WWOX: variants seen among roughly 807,000 people sequenced by gnomAD.
The protein encoded by WWOX is WW domain-containing oxidoreductase.
Under a neutral mutation model 46.2 loss-of-function variants are expected in WWOX, and 69 were observed. The observed-to-expected ratio is 1.49, with a 90% CI of 1.23 to 1.82. The LOEUF (loss-of-function observed/expected upper bound fraction) is 1.82. Ranked by LOEUF, WWOX falls within the 40% of genes most tolerant of loss-of-function variation. The probability of loss-of-function intolerance (pLI) is 0.00; values close to 1 mark genes in which losing one functional copy is unlikely to be tolerated. For synonymous variants in WWOX, 359 were observed against 202.6 expected (o/e 1.77, Z -6.56); for missense variants, 919 against 542.6 (o/e 1.69, Z -6.89).
chr16:78,572,505 A>G (rs2044741236), intron 8 of WWOX, among the ~76,000 whole-genome samples: 1 of 143,090 alleles, frequency 7.0e-6, no homozygotes, highest in Non-Finnish European at 1.5e-5. Flanking sequence ...TGGGAGACTG[A>G]GGAGGGAGGA....
At chr16:78,124,079 A>G (rs2033250543) in intron 4 of WWOX, 2 of 152,172 alleles carry the variant, frequency 1.3e-5, no homozygotes, top group Admixed American at 1.3e-4. Flanking sequence ...TGGCCCAGAA[A>G]GGAATACACT....
intron 8 of WWOX, among the ~76,000 whole-genome samples, chr16:78,533,368 A>G (rs1359375318): frequency 6.6e-6 from 1 of 152,078 alleles, no homozygotes; most frequent in Non-Finnish European, 1.5e-5. Context: ...TGGAAGAAAA[A>G]GAATTGTCTT....
At position 78,833,158 on chromosome 16, in the gene WWOX, C is replaced by G. The variant is rs555430521; in HGVS notation, c.1057-378450C>G. 2.0e-5 allele frequency among the ~76,000 whole-genome samples: 3 copies of G among 152,124 alleles called. No homozygotes were observed. In the South Asian group the frequency reaches 6.2e-4, roughly 32 times the overall value. ...CTAGGCTCAAGCGATCCTCCAGCCT[C>G]TGCCTGCCAAGTATCTGGGACTACA... On this transcript the variant is annotated intron_variant, in intron 8 of 8. Transcript: ENST00000566780.
At chr16:78,399,724 T>C (rs2082368402) in intron 6 of WWOX, among the ~76,000 whole-genome samples, 1 of 152,240 alleles carries the variant, frequency 6.6e-6, no homozygotes, top group Non-Finnish European at 1.5e-5. Flanking sequence ...ACTTGGCCCA[T>C]GAATCCAGCT....
At chr16:79,186,023 G>T (rs1423603962) in intron 8 of WWOX, among the ~76,000 whole-genome samples, 129 of 152,112 alleles carry the variant, frequency 8.5e-4, no homozygotes, top group Non-Finnish European at 3.7e-4. Context: ...GGTACATTCA[G>T]AGAATTTTCT....
At chr16:78,613,142 A>G (rs549090690) in intron 8 of WWOX, among the ~76,000 whole-genome samples, 3 of 152,162 alleles carry the variant, frequency 2.0e-5, no homozygotes, top group East Asian at 1.9e-4. Flanking sequence ...TCTGCTCACA[A>G]TGACAAGTGA....
chr16:78,527,990 C>CCTTTTTTTT (rs2043518866), intron 8 of WWOX, among the ~76,000 whole-genome samples: 1 of 57,950 alleles, frequency 1.7e-5, no homozygotes, highest in Non-Finnish European at 3.1e-5. Context: ...TGGTACATGT[C>CCTTTTTTTT]CTTTTTTTTT....
At chr16:78,772,228 G>T (rs548584602) in intron 8 of WWOX, among the ~76,000 whole-genome samples, 1 of 152,246 alleles carries the variant, frequency 6.6e-6, no homozygotes, top group East Asian at 1.9e-4. Flanking sequence ...AGTGTCTGTT[G>T]TTCTTTCTTT....
intron 4 of WWOX, among the ~76,000 whole-genome samples, chr16:78,115,657 A>G (rs1597219149): frequency 6.6e-6 from 1 of 152,104 alleles, no homozygotes; most frequent in East Asian, 1.9e-4. Flanking sequence ...TCACCTCTTA[A>G]TTGCCAATGT....
In WWOX at chr16:78,339,387, C is replaced by G. The variant is rs200232807; in HGVS notation, c.517-47473C>G. On this transcript the variant is annotated intron_variant, in intron 5 of 8. Transcript: ENST00000566780. The stretch of plus-strand genomic sequence containing the variant: ...ATTAGAAAAAAAAAAAAAAACAACT[C>G]CCCTGGAGCCTTTGTACCTTCTGCA... 6.1e-5 allele frequency among the ~76,000 whole-genome samples: 7 copies of G among 114,894 alleles called. 3 individuals carry two copies. Among genetic ancestry groups the G allele is most frequent in the African/African-American group, 2.1e-4 (7 of 33,920 alleles). The allele number at this position is 114,894 out of a possible 152,430, so 75.4% of individuals were successfully genotyped here. A position where few individuals can be genotyped will look rare whatever the true frequency, so the allele number is the denominator to read the frequency against.
intron 8 of WWOX, among the ~76,000 whole-genome samples, chr16:78,968,105 GCGTGGTCCGCGTGGCA>G (rs2046397728): frequency 7.6e-6 from 1 of 131,600 alleles, no homozygotes; most frequent in African/African-American, 2.9e-5. Flanking sequence ...ATGGCACAGC[GCGTGGTCCGCGTGGCA>G]CAGCGCGTGG....
intron 7 of WWOX, among the ~76,000 whole-genome samples, chr16:78,428,063 G>T (rs1430287499): frequency 1.3e-5 from 2 of 152,086 alleles, no homozygotes; most frequent in African/African-American, 4.8e-5. Flanking sequence ...GCAAGACCCT[G>T]TTTCAGAAAA....
At chr16:78,707,832 C>A (rs926535486) in intron 8 of WWOX, among the ~76,000 whole-genome samples, 1 of 143,892 alleles carries the variant, frequency 6.9e-6, no homozygotes, top group African/African-American at 2.6e-5. Flanking sequence ...GAGACTCTGT[C>A]TCAAAAATAT....
chr16:78,963,275 T>G (rs1046820532), intron 8 of WWOX, among the ~76,000 whole-genome samples: 1 of 152,202 alleles, frequency 6.6e-6, no homozygotes, highest in East Asian at 1.9e-4. Flanking sequence ...TGAAGACCAG[T>G]CTGGGCAACA....
At chr16:78,331,739 A>G (rs1399632034) in intron 5 of WWOX, among the ~76,000 whole-genome samples, 1 of 152,192 alleles carries the variant, frequency 6.6e-6, no homozygotes, top group Non-Finnish European at 1.5e-5. Context: ...AGCTGTGTAG[A>G]CATTGGTTTG....
intron 8 of WWOX, among the ~76,000 whole-genome samples, chr16:78,942,556 C>A (rs1445891337): frequency 6.6e-6 from 1 of 152,074 alleles, no homozygotes; most frequent in African/African-American, 2.4e-5. Context: ...AATAAAAACC[C>A]ACCAGAATAC....
chr16:78,479,302 A>G (rs1395005802), intron 8 of WWOX, among the ~76,000 whole-genome samples: 1 of 152,236 alleles, frequency 6.6e-6, no homozygotes, highest in Non-Finnish European at 1.5e-5. Context: ...GCCTTCCAGG[A>G]TCTTATTATC....
chr16:78,212,713 C>T (rs2036594980), intron 5 of WWOX, among the ~76,000 whole-genome samples: 1 of 152,134 alleles, frequency 6.6e-6, no homozygotes, highest in Non-Finnish European at 1.5e-5. Context: ...GGGAGGCCTG[C>T]CTGGTCTGCC....
At chr16:79,136,301 G>C (rs910022818) in intron 8 of WWOX, among the ~76,000 whole-genome samples, 1 of 151,614 alleles carries the variant, frequency 6.6e-6, no homozygotes, top group African/African-American at 2.4e-5. Flanking sequence ...TGCAATCTCG[G>C]CTCACTGCAA....
Sources: gnomAD v4.1 joint callset for allele counts (sites outside exome capture counted in the v4.1 genomes callset) on GRCh38, gnomAD v4.1.1 for gene constraint, MANE v1.5 for transcripts, NCBI Gene and HGNC (gene_info 2026-07-23, HGNC 2026-07-21) for gene names.